The following GRID2 variants were observed in gnomAD, a reference collection of about 807,000 sequenced individuals.
GRID2 encodes the protein glutamate ionotropic receptor delta type subunit 2.
In GRID2, 33 loss-of-function variants were observed where a neutral mutation model predicts 114.8. The observed-to-expected ratio is 0.29, with a 90% CI of 0.22 to 0.38. GRID2 has a LOEUF of 0.38. Among genes scored for constraint, GRID2 ranks in the 10% least tolerant of loss-of-function variants. The pLI is 1.00. For missense variants in GRID2, 1,184 were observed against 1,257.7 expected, an observed-to-expected ratio of 0.94 and a Z score of 0.89; for synonymous variants, 505 against 449.9, an observed-to-expected ratio of 1.12 and a Z score of -1.55.
intron 1 of GRID2, among the ~76,000 whole-genome samples, chr4:92,342,798 G>A (rs1727566983): frequency 6.6e-6 from 1 of 152,012 alleles, no homozygotes; most frequent in Non-Finnish European, 1.5e-5. Flanking sequence ...CTTCAAAACT[G>A]GCAGCTGCTT....
At chr4:93,804,691 AAT>A (rs1207487945) in intron 1 of GRID2, among the ~76,000 whole-genome samples, 1 of 152,212 alleles carries the variant, frequency 6.6e-6, no homozygotes, top group African/African-American at 2.4e-5. Flanking sequence ...TAATGATTCT[AAT>A]ACAGCAGAAG....
At chr4:93,264,096 T>C (rs1320993675) in intron 8 of GRID2, among the ~76,000 whole-genome samples, 1 of 152,214 alleles carries the variant, frequency 6.6e-6, no homozygotes, top group Admixed American at 6.5e-5. Context: ...GTAGGGCTTC[T>C]ATGTTGAACT....
intron 2 of GRID2, among the ~76,000 whole-genome samples, chr4:92,934,311 C>T (rs898555984): frequency 6.6e-6 from 1 of 151,712 alleles, no homozygotes. Flanking sequence ...AATGGGAGTT[C>T]ACTCATGGTT....
chr4:92,831,697 TTAAAG>T (rs755467629), intron 2 of GRID2, among the ~76,000 whole-genome samples: 20 of 151,706 alleles, frequency 1.3e-4, no homozygotes, highest in Non-Finnish European at 2.2e-4. Context: ...CTACAAAAAA[TTAAAG>T]TAAAGTTAGC....
At chr4:93,543,710 T>TAGAGAGAGAGAGAGAGAGAGAGAGAG (rs34742442) in intron 13 of GRID2, among the ~76,000 whole-genome samples, 9 of 133,492 alleles carry the variant, frequency 6.7e-5, no homozygotes, top group African/African-American at 2.4e-4. Flanking sequence ...GAGTGAGAGA[T>TAGAGAGAGAGAGAGAGAGAGAGAGAG]AGAGAGAGAG....
At chr4:93,016,399 A>C (rs554816854) in intron 2 of GRID2, among the ~76,000 whole-genome samples, 1 of 152,186 alleles carries the variant, frequency 6.6e-6, no homozygotes, top group African/African-American at 2.4e-5. Context: ...GCTTTCTGTA[A>C]ATTAATTTAT....
At chr4:92,757,785 T>C (rs1218162356) in intron 2 of GRID2, among the ~76,000 whole-genome samples, 1 of 151,784 alleles carries the variant, frequency 6.6e-6, no homozygotes, top group Non-Finnish European at 1.5e-5. Flanking sequence ...GCTAAAAAGC[T>C]GTGTTTTTGG....
chr4:93,411,720 C>A (rs1328874162), intron 9 of GRID2, among the ~76,000 whole-genome samples: 1 of 152,064 alleles, frequency 6.6e-6, no homozygotes, highest in African/African-American at 2.4e-5. Flanking sequence ...GCATGAGCCA[C>A]CGTGACCAGC....
At chr4:92,874,171 T>C (rs1217397088) in intron 2 of GRID2, among the ~76,000 whole-genome samples, 1 of 152,154 alleles carries the variant, frequency 6.6e-6, no homozygotes. Flanking sequence ...GCACATATAA[T>C]TGATATTGTC....
chr4:92,600,545 A>C (rs1200917679), intron 2 of GRID2, among the ~76,000 whole-genome samples: 1 of 152,186 alleles, frequency 6.6e-6, no homozygotes, highest in Non-Finnish European at 1.5e-5. Context: ...GTGTAAAAAG[A>C]CTGAAATGAT....
At chr4:93,593,656 A>G (rs1738674565) in intron 13 of GRID2, among the ~76,000 whole-genome samples, 1 of 151,846 alleles carries the variant, frequency 6.6e-6, no homozygotes, top group African/African-American at 2.4e-5. Flanking sequence ...GTGTTTTCCA[A>G]CTTGGTTCCA....
At chr4:93,590,193 C>T (rs1470807931) in intron 13 of GRID2, among the ~76,000 whole-genome samples, 4 of 150,830 alleles carry the variant, frequency 2.7e-5, no homozygotes, top group African/African-American at 7.3e-5. Context: ...TTAGGTCTAA[C>T]GTTTTAAGTC....
At chr4:93,514,758 G>T (rs1228639350) in intron 12 of GRID2, among the ~76,000 whole-genome samples, 2 of 151,922 alleles carry the variant, frequency 1.3e-5, no homozygotes, top group Non-Finnish European at 2.9e-5. Context: ...GACTACATTT[G>T]ACCTCAAAGC....
chr4:93,219,723 A>G (rs1219957474), intron 6 of GRID2, among the ~76,000 whole-genome samples: 1 of 152,220 alleles, frequency 6.6e-6, no homozygotes, highest in Non-Finnish European at 1.5e-5. Context: ...TTTTTGCAAC[A>G]TATGTAACAA....
At chr4:92,944,309 A>T (rs1385665799) in intron 2 of GRID2, among the ~76,000 whole-genome samples, 1 of 152,120 alleles carries the variant, frequency 6.6e-6, no homozygotes, top group African/African-American at 2.4e-5. Context: ...GCCACCTTGC[A>T]GTTTGATCTC....
chr4:93,538,619 A>G (rs950413639), intron 13 of GRID2, among the ~76,000 whole-genome samples: 2 of 151,802 alleles, frequency 1.3e-5, no homozygotes, highest in Non-Finnish European at 3.0e-5. Flanking sequence ...ATATATAGAT[A>G]TCTTGATCTA....
chr4:93,303,090 G>T (rs781318876), intron 8 of GRID2, among the ~76,000 whole-genome samples: 2 of 152,150 alleles, frequency 1.3e-5, no homozygotes, highest in Admixed American at 1.3e-4. Context: ...GAAGGAGGAA[G>T]AGGAAACAGG....
intron 1 of GRID2, among the ~76,000 whole-genome samples, chr4:92,453,230 G>A (rs188028774): frequency 1.3e-5 from 2 of 152,248 alleles, no homozygotes; most frequent in East Asian, 3.9e-4. Flanking sequence ...TGGGAAAGGA[G>A]GGGAGAGAAG....
At chr4:92,397,561 G>T (rs749980294) in intron 1 of GRID2, among the ~76,000 whole-genome samples, 1 of 151,990 alleles carries the variant, frequency 6.6e-6, no homozygotes, top group Admixed American at 6.6e-5. Context: ...CCAACATATG[G>T]AATAAACTGA....
Sources: allele counts gnomAD v4.1 joint callset (sites outside exome capture counted in the v4.1 genomes callset), GRCh38; gene constraint gnomAD v4.1.1; transcripts MANE v1.5; gene names NCBI Gene and HGNC (gene_info 2026-07-23, HGNC 2026-07-21).